VPS41: variants seen among roughly 807,000 people sequenced by gnomAD.
VPS41 encodes vacuolar protein sorting-associated protein 41 homolog.
A neutral mutation model predicts 130.9 loss-of-function variants in VPS41; 85 were observed. The ratio of observed to expected loss-of-function variants is 0.65; its 90% CI spans 0.55 to 0.78. VPS41 has a LOEUF of 0.78. VPS41 is among the 30% of genes least tolerant of loss of function. VPS41 has a pLI of 0.00. For synonymous variants in VPS41, 335 were observed against 332.9 expected, an observed-to-expected ratio of 1.01 and a Z score of -0.07; for missense variants, 874 against 1,018.7, an observed-to-expected ratio of 0.86 and a Z score of 1.93.
At position 38,809,334 on chromosome 7, in the gene VPS41, T is replaced by A. The variant is rs999170931; in HGVS notation, c.450+8483A>T. Among the ~76,000 whole-genome samples, 9 of 147,866 alleles carry A rather than the reference T, an allele frequency of 6.1e-5. No individual in the cohort carries two copies. The East Asian group carries it at 7.8e-4, about 13-fold the overall frequency. On this transcript the variant is annotated intron_variant, in intron 7 of 28. Transcript: ENST00000310301. ...CCCGTCTCTACTAAAAATACAAAAATATATATATATGTATATTTTATATAT... is the reference window on the plus strand; with the variant it reads ...CCCGTCTCTACTAAAAATACAAAAAAATATATATATGTATATTTTATATAT...
chr7:38,824,208 T>C (rs1161132805), intron 5 of VPS41, among the ~76,000 whole-genome samples: 2 of 152,210 alleles, frequency 1.3e-5, no homozygotes, highest in Non-Finnish European at 1.5e-5. Flanking sequence ...TTGTGCTAAA[T>C]CTCATACTAC....
At chr7:38,809,924 A>T (rs1407137057) in intron 7 of VPS41, among the ~76,000 whole-genome samples, 3 of 152,158 alleles carry the variant, frequency 2.0e-5, no homozygotes, top group Non-Finnish European at 4.4e-5. Flanking sequence ...GGACAATTAA[A>T]AAAAAAAATC....
chr7:38,876,649 A>C (rs1219833363), intron 2 of VPS41, among the ~76,000 whole-genome samples: 1 of 151,792 alleles, frequency 6.6e-6, no homozygotes, highest in Admixed American at 6.6e-5. Context: ...CTGAGCTAAG[A>C]TTTTTATCTC....
At chr7:38,800,789 T>C (rs1784710487) in intron 7 of VPS41, among the ~76,000 whole-genome samples, 1 of 152,162 alleles carries the variant, frequency 6.6e-6, no homozygotes, top group African/African-American at 2.4e-5. Flanking sequence ...TGAGCCAAGA[T>C]TGTGCCATTG....
intron 2 of VPS41, among the ~76,000 whole-genome samples, chr7:38,878,686 T>C (rs138308367): frequency 2.6e-5 from 4 of 152,356 alleles, no homozygotes; most frequent in African/African-American, 9.6e-5. Context: ...CGCAGGGCCA[T>C]CTTGACAGAC....
Position 38,862,533 on chromosome 7 carries a change from C to G in VPS41, c.246+12G>C. 6.6e-7 allele frequency: 1 copy of G among 1,525,600 alleles called. No individual in the cohort carries two copies. The highest frequency in any genetic ancestry group is 9.0e-7 in the Non-Finnish European group (1 of 1,108,798). 94.5% of individuals were successfully genotyped at this position (1,525,600 alleles called of 1,614,324 possible). On this transcript the variant is annotated intron_variant, in intron 4 of 28. Transcript: ENST00000310301. ...AGTTTAGCTCATACATTATTTTATACAGAATACTTACTACATCAAACTTCT... is the reference window on the plus strand; with the variant it reads ...AGTTTAGCTCATACATTATTTTATAGAGAATACTTACTACATCAAACTTCT...
intron 4 of VPS41, among the ~76,000 whole-genome samples, chr7:38,839,596 T>A (rs1160341150): frequency 6.6e-6 from 1 of 151,774 alleles, no homozygotes; most frequent in Non-Finnish European, 1.5e-5. Flanking sequence ...GTCCAGCTAA[T>A]TTTTTTGTAT....
chr7:38,867,279 C>T (rs959219440), intron 3 of VPS41, among the ~76,000 whole-genome samples: 2 of 152,136 alleles, frequency 1.3e-5, no homozygotes, highest in Non-Finnish European at 2.9e-5. Context: ...GGTGTGGTGG[C>T]TCACGCCTGT....
In VPS41 at chr7:38,835,720, C is replaced by G. The variant is rs549258283; in HGVS notation, c.247-5392G>C. Among the ~76,000 whole-genome samples the G allele has an allele frequency of 2.6e-5, 4 of 151,546 alleles. No individual in the cohort carries two copies. In the East Asian group the frequency reaches 7.7e-4, roughly 29 times the overall value. ...AATTTCTCTATATATTTACTGTTTT[C>G]TCTTTCATCTATCAAAGACTGATTA... On this transcript the variant is annotated intron_variant, in intron 4 of 28. Transcript: ENST00000310301.
At chr7:38,902,224 C>G (rs2116454060) in intron 1 of VPS41, among the ~76,000 whole-genome samples, 1 of 152,292 alleles carries the variant, frequency 6.6e-6, no homozygotes, top group East Asian at 1.9e-4. Flanking sequence ...TCAAACAACC[C>G]TCAGTAGTGC....
intron 2 of VPS41, among the ~76,000 whole-genome samples, chr7:38,877,495 A>G (rs970772709): frequency 2.6e-5 from 4 of 152,244 alleles, no homozygotes; most frequent in Non-Finnish European, 5.9e-5. Context: ...CTCAGTTGTC[A>G]GAAAAACTTA....
At chr7:38,731,246 T>C (rs1795658004) in intron 25 of VPS41, among the ~76,000 whole-genome samples, 1 of 152,152 alleles carries the variant, frequency 6.6e-6, no homozygotes, top group African/African-American at 2.4e-5. Flanking sequence ...CAATTAAAGG[T>C]GATAAGTGAA....
intron 10 of VPS41, among the ~76,000 whole-genome samples, chr7:38,780,094 AT>A (rs68006848): frequency 0.29 from 43,364 of 151,896 alleles, 7,005 homozygotes; most frequent in Non-Finnish European, 0.38. Flanking sequence ...GAAAAGATAA[AT>A]CACAAAGAAA....
At chr7:38,822,529 G>C (rs1785192532) in intron 5 of VPS41, among the ~76,000 whole-genome samples, 1 of 152,170 alleles carries the variant, frequency 6.6e-6, no homozygotes, top group African/African-American at 2.4e-5. Context: ...CCACTGCTGG[G>C]TATTATTTCA....
At chr7:38,823,862 G>C (rs1351355764) in intron 5 of VPS41, among the ~76,000 whole-genome samples, 1 of 152,174 alleles carries the variant, frequency 6.6e-6, no homozygotes, top group Non-Finnish European at 1.5e-5. Flanking sequence ...TCATTGTTCA[G>C]AGGGTATAAA....
rs142277282 is a variant in VPS41 at position 38,849,862 on chromosome 7, AG to A, written c.246+12682del. Among the ~76,000 whole-genome samples the A allele has an allele frequency of 8.5e-3, 1,297 of 152,264 alleles. 21 individuals carry two copies. Among genetic ancestry groups the A allele is most frequent in the African/African-American group, 0.03 (1,238 of 41,554 alleles). ...CACCTGGGTCCTTAGGTATAGGCCC[AG>A]GGGTGGAGCCCTAGCCAGAGACACA... On this transcript the variant is annotated intron_variant, in intron 4 of 28. Transcript: ENST00000310301.
chr7:38,829,288 A>G (rs557996912), intron 5 of VPS41, among the ~76,000 whole-genome samples: 38 of 152,342 alleles, frequency 2.5e-4, no homozygotes, highest in African/African-American at 9.1e-4. Context: ...GTATGTCAAG[A>G]GACTTCATGT....
rs1468110497 is a variant in VPS41, at chr7:38,856,015, G to A, written c.246+6530C>T. On this transcript the variant is annotated intron_variant, in intron 4 of 28. Coordinates refer to ENST00000310301, the MANE Select transcript of VPS41 (RefSeq NM_014396.4). The stretch of plus-strand genomic sequence containing the variant: ...CATTCTGGTGAGGGTTCTCTTCCTG[G>A]TTTGCAGACAGCCTTCCCGCTGTGT... Among the ~76,000 whole-genome samples, 41 of 152,122 alleles carry A rather than the reference G, an allele frequency of 2.7e-4. 1 individual carries two copies. The highest frequency in any genetic ancestry group is 2.7e-3 in the Admixed American group (41 of 15,266).
At chr7:38,865,185 G>A (rs1786201801) in intron 3 of VPS41, among the ~76,000 whole-genome samples, 2 of 152,162 alleles carry the variant, frequency 1.3e-5, no homozygotes, top group African/African-American at 4.8e-5. Flanking sequence ...CCTGGAAACA[G>A]TCGATGAGTA....
Sources: gnomAD v4.1 joint callset for allele counts (sites outside exome capture counted in the v4.1 genomes callset) on GRCh38, gnomAD v4.1.1 for gene constraint, MANE v1.5 for transcripts, NCBI Gene and HGNC (gene_info 2026-07-23, HGNC 2026-07-21) for gene names.